The following LOXHD1 variants were observed in gnomAD, a reference collection of about 807,000 sequenced individuals.
The protein encoded by LOXHD1 is lipoxygenase homology domain-containing protein 1.
Under a neutral mutation model 248.2 loss-of-function variants are expected in LOXHD1, and 205 were observed. The observed-to-expected ratio is 0.83, with a 90% confidence interval of 0.74 to 0.93. The LOEUF (loss-of-function observed/expected upper bound fraction) is 0.93, where lower values mean the gene tolerates loss of function less well. LOXHD1 is among the 40% of genes least tolerant of loss of function. The pLI is 0.00. For missense variants in LOXHD1, 2,930 were observed against 2,971.6 expected (o/e 0.99, Z 0.33); for synonymous variants, 1,113 against 1,162.8 (o/e 0.96, Z 0.87).
chr18:46,516,991 G>C (rs2035288204), intron 34 of LOXHD1, among the ~76,000 whole-genome samples: 1 of 152,098 alleles, frequency 6.6e-6, no homozygotes. Flanking sequence ...CAGAAGTATT[G>C]AGTGCCTACT....
At chr18:46,490,060 T>C (rs2033352321) in intron 37 of LOXHD1, among the ~76,000 whole-genome samples, 1 of 152,250 alleles carries the variant, frequency 6.6e-6, no homozygotes, top group South Asian at 2.1e-4. Flanking sequence ...CTGCATGGTG[T>C]AAATAGCATG....
chr18:46,560,048 T>TGCCTCCCCCCC, intron 19 of LOXHD1, 35 bp downstream of exon 19: 1 of 1,226,298 alleles, frequency 8.2e-7, no homozygotes, highest in Non-Finnish European at 1.1e-6. Flanking sequence ...GTCTGGCCAC[T>TGCCTCCCCCCC]CCCTCCCCAC....
intron 37 of LOXHD1, among the ~76,000 whole-genome samples, chr18:46,501,939 T>C (rs2034257711): frequency 6.6e-6 from 1 of 152,240 alleles, no homozygotes; most frequent in African/African-American, 2.4e-5. Flanking sequence ...TCATTATTCC[T>C]GACTCCTGAA....
At chr18:46,614,491 T>G (rs2038556416) in intron 5 of LOXHD1, among the ~76,000 whole-genome samples, 1 of 152,126 alleles carries the variant, frequency 6.6e-6, no homozygotes, top group Admixed American at 6.5e-5. Context: ...ACACTGCATG[T>G]TCTCACTCAT....
chr18:46,613,292 C>T (rs577628546), intron 5 of LOXHD1, among the ~76,000 whole-genome samples: 28 of 152,124 alleles, frequency 1.8e-4, no homozygotes, highest in African/African-American at 6.5e-4. Flanking sequence ...ATAGTTTTCC[C>T]AAAAGGCTCT....
At chr18:46,604,889 G>A (rs2038389617) in intron 6 of LOXHD1, among the ~76,000 whole-genome samples, 1 of 152,200 alleles carries the variant, frequency 6.6e-6, no homozygotes, top group African/African-American at 2.4e-5. Context: ...AAGTAGAATT[G>A]TTAATAGCTA....
chr18:46,556,045 T>A (rs35343663), intron 21 of LOXHD1, among the ~76,000 whole-genome samples: 69,583 of 150,444 alleles, frequency 0.46, 16,519 homozygotes, highest in South Asian at 0.52. Context: ...GGATAATATT[T>A]TTTGACATGT....
At chr18:46,593,319 C>T (rs2062388994) in intron 10 of LOXHD1, among the ~76,000 whole-genome samples, 1 of 152,242 alleles carries the variant, frequency 6.6e-6, no homozygotes, top group Non-Finnish European at 1.5e-5. Flanking sequence ...GATTCCCCAA[C>T]TCCTGGATAG....
Position 46,489,158 on chromosome 18 carries a change from C to A in LOXHD1, c.5879-16G>T, listed in dbSNP as rs1274508195. On this transcript the variant is annotated splice_polypyrimidine_tract_variant and intron_variant, in intron 37 of 40. Coordinates refer to ENST00000642948, the MANE Select transcript of LOXHD1 (RefSeq NM_001384474.1). ...GGAAATATCCCTGTGGAAAAGACAC[C>A]ATGGGGGTTGGAAGCTGGATGTGCC... is the stretch of plus-strand genomic sequence containing the variant. 3 of 1,551,418 alleles carry A rather than the reference C, an allele frequency of 1.9e-6. No individual in the cohort carries two copies. Among genetic ancestry groups the A allele is most frequent in the Non-Finnish European group, 2.6e-6 (3 of 1,146,934 alleles).
At position 46,613,505 on chromosome 18, in the gene LOXHD1, A is replaced by G. The variant is rs779269633; in HGVS notation, c.611-2581T>C. Reference sequence around the variant, plus strand: ...ATGATCATTATTTTTTACAAAAATGAAAGTCTGTTATTTCATTTTCAACCG... The same window carrying G: ...ATGATCATTATTTTTTACAAAAATGGAAGTCTGTTATTTCATTTTCAACCG... On this transcript the variant is annotated intron_variant, in intron 5 of 40. Transcript: ENST00000642948. 2.0e-4 allele frequency among the ~76,000 whole-genome samples: 30 copies of G among 152,130 alleles called. 1 individual carries two copies. Among genetic ancestry groups the G allele is most frequent in the Non-Finnish European group, 3.4e-4 (23 of 67,982 alleles).
At chr18:46,551,107 T>A (rs545644543) in intron 21 of LOXHD1, among the ~76,000 whole-genome samples, 14 of 139,350 alleles carry the variant, frequency 1.0e-4, no homozygotes, top group African/African-American at 3.8e-4. Context: ...TTTTCTTTTC[T>A]TTTTTTTTTT....
At chr18:46,570,907 AG>A (rs1467523910) in intron 15 of LOXHD1, among the ~76,000 whole-genome samples, 2 of 152,150 alleles carry the variant, frequency 1.3e-5, no homozygotes, top group Non-Finnish European at 2.9e-5. Flanking sequence ...GGGGGTCAGG[AG>A]GTCCTGTCCA....
At chr18:46,643,869 A>AAT (rs2144386590) in intron 2 of LOXHD1, among the ~76,000 whole-genome samples, 1 of 152,336 alleles carries the variant, frequency 6.6e-6, no homozygotes, top group Admixed American at 6.5e-5. Flanking sequence ...ATGAAACAGA[A>AAT]ATAGGTTTAT....
At chr18:46,633,757 G>A (rs967558373) in intron 4 of LOXHD1, among the ~76,000 whole-genome samples, 1 of 152,074 alleles carries the variant, frequency 6.6e-6, no homozygotes, top group Non-Finnish European at 1.5e-5. Context: ...TGTAACAGAG[G>A]TCTACAATTC....
intron 9 of LOXHD1, 106 bp downstream of exon 9, chr18:46,594,225 G>A: frequency 7.1e-7 from 1 of 1,401,714 alleles, no homozygotes; most frequent in Non-Finnish European, 9.6e-7. Context: ...GGAGACTTGA[G>A]AAGCAGGAGT....
intron 5 of LOXHD1, among the ~76,000 whole-genome samples, chr18:46,612,070 G>A (rs1157571462): frequency 2.6e-5 from 4 of 152,110 alleles, no homozygotes; most frequent in Admixed American, 2.0e-4. Context: ...CATAACTTTA[G>A]TTTATTCATC....
intron 37 of LOXHD1, among the ~76,000 whole-genome samples, chr18:46,490,090 C>A (rs151063678): frequency 2.0e-5 from 3 of 152,322 alleles, no homozygotes; most frequent in East Asian, 3.9e-4. Flanking sequence ...GCTGCATGCT[C>A]TTTATACCAT....
intron 4 of LOXHD1, among the ~76,000 whole-genome samples, chr18:46,631,797 G>A (rs1299882970): frequency 6.6e-6 from 1 of 152,212 alleles, no homozygotes; most frequent in African/African-American, 2.4e-5. Flanking sequence ...ATGCGATAGG[G>A]CCTGAATCAC....
Position 46,642,034 on chromosome 18 carries a change from C to T in LOXHD1, c.248G>A (p.Ser83Asn). 6.4e-7 allele frequency: 1 copy of T among 1,552,232 alleles called. No homozygotes were observed. Among genetic ancestry groups the T allele is most frequent in the South Asian group, 1.2e-5 (1 of 84,066 alleles). The stretch of plus-strand genomic sequence containing the variant: ...GTTGCCCTTCTCAAAGGCAGACTTG[C>T]TCCTGCAATGAACACGTGCAGTTAG... ...LSPKLQLTSKSKSAFEKGNVD... is the reference protein window; with the variant it reads ...LSPKLQLTSKNKSAFEKGNVD... The change falls in exon 3 of 41, where the codon AGC becomes AAC. Residue 83 changes from serine (S) to asparagine (N), a missense_variant and splice_region_variant. Ser to Asn is a conservative substitution (Grantham distance 46, BLOSUM62 1). Coordinates refer to ENST00000642948, the MANE Select transcript of LOXHD1 (RefSeq NM_001384474.1).
Sources: allele counts gnomAD v4.1 joint callset (sites outside exome capture counted in the v4.1 genomes callset), GRCh38; gene constraint gnomAD v4.1.1; transcripts MANE v1.5; gene names NCBI Gene and HGNC (gene_info 2026-07-23, HGNC 2026-07-21).